The following TAF12 variants were observed in gnomAD, a reference collection of about 807,000 sequenced individuals.
TAF12 encodes the protein transcription initiation factor TFIID subunit 12.
Under a neutral mutation model 20.8 loss-of-function variants are expected in TAF12, and 3 were observed. That is an observed-to-expected ratio of 0.14 (90% confidence interval 0.07 to 0.37). TAF12 has a LOEUF of 0.37. Among genes scored for constraint, TAF12 ranks in the 10% least tolerant of loss-of-function variants. TAF12 has a pLI of 1.00. For synonymous variants in TAF12, 69 were observed against 70.2 expected (o/e 0.98, Z 0.09); for missense variants, 131 against 197.9 (o/e 0.66, Z 2.03).
intron 1 of TAF12, among the ~76,000 whole-genome samples, chr1:28,639,704 T>C (rs1310363339): frequency 6.6e-6 from 1 of 152,190 alleles, no homozygotes; most frequent in African/African-American, 2.4e-5. Flanking sequence ...ATCATTTATA[T>C]ATAATAGGCG....
chr1:28,621,841 T>G, intron 2 of TAF12, 73 bp downstream of exon 2: 6 of 1,542,252 alleles, frequency 3.9e-6, no homozygotes, highest in Non-Finnish European at 5.2e-6. Context: ...GAGATGGACA[T>G]CTCTTAAAGT....
intron 1 of TAF12, among the ~76,000 whole-genome samples, chr1:28,638,578 C>T (rs1389038046): frequency 6.6e-6 from 1 of 151,290 alleles, no homozygotes; most frequent in Non-Finnish European, 1.5e-5. Context: ...CTCTGCCTCC[C>T]GGGTTCCAGC....
rs1428071728 is a variant in TAF12 at position 28,603,016 on chromosome 1, T to C, written c.*523A>G. The stretch of plus-strand genomic sequence containing the variant: ...TCTCAAACACCAAAATGAATAACGA[T>C]GCTGCCACCTGCTGACTAGAGAGCT... On this transcript the variant is annotated 3_prime_UTR_variant, in exon 6 of 6. Coordinates refer to ENST00000373824, the MANE Select transcript of TAF12 (RefSeq NM_005644.4). 6.6e-6 allele frequency: 1 copy of C among 152,420 alleles called. No individual in the cohort carries two copies. The highest frequency in any genetic ancestry group is 2.4e-5 in the African/African-American group (1 of 41,442). 9.4% of individuals were successfully genotyped at this position (152,420 alleles called of 1,614,324 possible).
intron 3 of TAF12, among the ~76,000 whole-genome samples, chr1:28,614,587 G>A (rs969351389): frequency 5.3e-5 from 8 of 151,866 alleles, no homozygotes; most frequent in Admixed American, 2.0e-4. Context: ...GGAGGTTGAG[G>A]CAGGAGAATC....
chr1:28,645,180 C>T (rs868355225), upstream of TAF12, among the ~76,000 whole-genome samples: 47 of 151,666 alleles, frequency 3.1e-4, 1 homozygote, highest in Admixed American at 1.1e-3. Context: ...GGACTACAGG[C>T]GCCCGCCACC....
At chr1:28,646,898 C>T (rs1210949865), upstream of TAF12, among the ~76,000 whole-genome samples, 1 of 152,062 alleles carries the variant, frequency 6.6e-6, no homozygotes, top group Non-Finnish European at 1.5e-5. Flanking sequence ...CGGGGTTTCA[C>T]CGTGTTAGCC....
chr1:28,622,171 G>A lies in TAF12; in HGVS notation c.-84-6C>T, dbSNP rs909800366. 8 of 1,504,256 alleles carry A rather than the reference G, an allele frequency of 5.3e-6. No homozygotes were observed. The African/African-American group carries it at 9.9e-5, about 19-fold the overall frequency. 93.2% of individuals were successfully genotyped at this position (1,504,256 alleles called of 1,614,324 possible). On this transcript the variant is annotated splice_region_variant and splice_polypyrimidine_tract_variant and intron_variant, in intron 1 of 5. Coordinates refer to ENST00000373824, the MANE Select transcript of TAF12 (RefSeq NM_005644.4). ...TGAGGACCAAGGCCAATTAACTGGA[G>A]AAGAAAAGCACAAGAATTAGCTCTA...
intron 1 of TAF12, among the ~76,000 whole-genome samples, chr1:28,636,072 C>G (rs1269811285): frequency 6.6e-6 from 1 of 152,098 alleles, no homozygotes; most frequent in Non-Finnish European, 1.5e-5. Context: ...TCATATTTCC[C>G]AGCCTAAATA....
At chr1:28,635,154 C>G (rs562935676) in intron 1 of TAF12, among the ~76,000 whole-genome samples, 1 of 148,220 alleles carries the variant, frequency 6.7e-6, no homozygotes, top group African/African-American at 2.5e-5. Flanking sequence ...AGCGCGAACC[C>G]GGGAGGTGGA....
upstream of TAF12, among the ~76,000 whole-genome samples, chr1:28,644,809 T>TA (rs1668143018): frequency 6.6e-6 from 1 of 152,206 alleles, no homozygotes; most frequent in South Asian, 2.1e-4. Context: ...AGGGGTTTGT[T>TA]ATAGTCTGGA....
chr1:28,614,090 T>C (rs1666952391), intron 3 of TAF12, among the ~76,000 whole-genome samples: 1 of 150,924 alleles, frequency 6.6e-6, no homozygotes, highest in Non-Finnish European at 1.5e-5. Flanking sequence ...ATACAAAAAT[T>C]AGCTGGGCGT....
At chr1:28,610,982 A>C (rs921709117) in intron 4 of TAF12, among the ~76,000 whole-genome samples, 42 of 92,712 alleles carry the variant, frequency 4.5e-4, no homozygotes, top group Non-Finnish European at 5.6e-4. Flanking sequence ...AAAAAAAAAA[A>C]ACACAGGTGG....
chr1:28,618,229 C>A (rs1667102979), intron 2 of TAF12, among the ~76,000 whole-genome samples, 199 bp from the exon 3 acceptor site: 1 of 152,138 alleles, frequency 6.6e-6, no homozygotes, highest in Non-Finnish European at 1.5e-5. Context: ...GTGGAAAGAG[C>A]AGTTTGAAGA....
chr1:28,636,806 A>G (rs1458772487), intron 1 of TAF12, among the ~76,000 whole-genome samples: 3 of 149,254 alleles, frequency 2.0e-5, no homozygotes, highest in African/African-American at 7.3e-5. Context: ...GTCTCAGGGA[A>G]AAAAAAAAAA....
At chr1:28,629,311 G>C (rs542897077) in intron 1 of TAF12, among the ~76,000 whole-genome samples, 1 of 152,132 alleles carries the variant, frequency 6.6e-6, no homozygotes, top group South Asian at 2.1e-4. Context: ...TTTCTCTGCA[G>C]AAATAGATCA....
intron 1 of TAF12, among the ~76,000 whole-genome samples, chr1:28,628,675 TA>T (rs567338088): frequency 0.051 from 7,400 of 146,066 alleles, 213 homozygotes; most frequent in Middle Eastern, 0.09. Context: ...ATAAAGACTT[TA>T]AAAAAAAAAA....
upstream of TAF12, among the ~76,000 whole-genome samples, chr1:28,645,894 G>C (rs1668173125): frequency 6.6e-6 from 1 of 151,972 alleles, no homozygotes; most frequent in Non-Finnish European, 1.5e-5. Context: ...CTTAAACCTG[G>C]GTGGTAGAGG....
At chr1:28,632,551 A>G (rs569334885) in intron 1 of TAF12, among the ~76,000 whole-genome samples, 18 of 152,304 alleles carry the variant, frequency 1.2e-4, no homozygotes, top group African/African-American at 3.6e-4. Flanking sequence ...CTACTGACGC[A>G]TGCAACAACA....
At chr1:28,626,149 T>C (rs1431984752) in intron 1 of TAF12, among the ~76,000 whole-genome samples, 1 of 151,760 alleles carries the variant, frequency 6.6e-6, no homozygotes, top group Non-Finnish European at 1.5e-5. Flanking sequence ...TGGCAGATTT[T>C]TGTATTTTTA....
Sources: gnomAD v4.1 joint callset for allele counts (sites outside exome capture counted in the v4.1 genomes callset) on GRCh38, gnomAD v4.1.1 for gene constraint, MANE v1.5 for transcripts, NCBI Gene and HGNC (gene_info 2026-07-23, HGNC 2026-07-21) for gene names.